The following CCDC141 variants were observed in gnomAD, a reference collection of about 807,000 sequenced individuals.
CCDC141 encodes the protein coiled-coil domain-containing protein 141.
In CCDC141, 168 loss-of-function variants were observed where a neutral mutation model predicts 181.0. The ratio of observed to expected loss-of-function variants is 0.93; its 90% CI spans 0.82 to 1.05. CCDC141 has a LOEUF of 1.05. Ranked by LOEUF, CCDC141 falls within the 50% of genes least tolerant of loss-of-function variation. The pLI, the probability that CCDC141 is intolerant of heterozygous loss-of-function variation, is 0.00. For missense variants in CCDC141, 1,902 were observed against 1,788.5 expected (o/e 1.06, Z -1.14); for synonymous variants, 666 against 642.3 (o/e 1.04, Z -0.56).
intron 6 of CCDC141, among the ~76,000 whole-genome samples, chr2:178,929,961 G>A (rs1473797076): frequency 6.6e-6 from 1 of 152,094 alleles, no homozygotes; most frequent in Non-Finnish European, 1.5e-5. Flanking sequence ...ATACACTGAA[G>A]TAGCAGCTTT....
intron 5 of CCDC141, among the ~76,000 whole-genome samples, chr2:178,953,253 G>C (rs931076734): frequency 3.9e-5 from 6 of 152,116 alleles, no homozygotes; most frequent in Non-Finnish European, 7.4e-5. Context: ...TGGCTAACAT[G>C]GTGAAACTGC....
chr2:178,961,293 C>T lies in CCDC141; in HGVS notation c.717G>A (p.Lys239=). The T allele has an allele frequency of 6.4e-7, 1 of 1,550,494 alleles. No homozygotes were observed. Among genetic ancestry groups the T allele is most frequent in the Non-Finnish European group, 8.7e-7 (1 of 1,146,916 alleles). Residue 239 remains lysine (K), a synonymous_variant, in exon 5 of 24, where the codon AAG becomes AAA. Coordinates refer to ENST00000443758, the MANE Select transcript of CCDC141 (RefSeq NM_173648.4). ...CTTGACTCAATTCTTGCCACTGTTGCTTCAAGTACTTGTCTAGTTGTCTTC... is the reference window on the plus strand; with the variant it reads ...CTTGACTCAATTCTTGCCACTGTTGTTTCAAGTACTTGTCTAGTTGTCTTC... The part of the protein sequence containing the change: ...DRRRQLDKYL[K]QQWQELSQVL...
At chr2:178,870,231 C>CAAAAAAAAAAAAAAAAAAAAAAAAAAA (rs34625707) in intron 14 of CCDC141, among the ~76,000 whole-genome samples, 23 of 60,286 alleles carry the variant, frequency 3.8e-4, no homozygotes, top group Admixed American at 7.9e-4. Context: ...GACTCTGTCT[C>CAAAAAAAAAAAAAAAAAAAAAAAAAAA]AAAAAAAAAA....
intron 5 of CCDC141, among the ~76,000 whole-genome samples, chr2:178,955,154 G>A (rs1037046731): frequency 5.3e-5 from 8 of 152,066 alleles, no homozygotes; most frequent in Admixed American, 1.3e-4. Flanking sequence ...GCATGGTGGC[G>A]TGCATCTGTA....
chr2:178,834,576 C>A, intron 23 of CCDC141, 136 bp from the exon 24 acceptor site: 3 of 953,504 alleles, frequency 3.1e-6, no homozygotes, highest in Middle Eastern at 2.3e-4. Flanking sequence ...GTAGCCACAA[C>A]AAATTCCAGT....
rs13422491 is a variant in CCDC141 at position 178,877,829 on chromosome 2, C to T, written c.1899+135G>A. 5.9e-3 allele frequency: 4,911 copies of T among 828,892 alleles called. 163 individuals carry two copies. In the African/African-American group the frequency reaches 0.072, roughly 12 times the overall value. 51.3% of individuals were successfully genotyped at this position (828,892 alleles called of 1,614,324 possible). On this transcript the variant is annotated intron_variant, in intron 12 of 23. Transcript: ENST00000443758. Reference sequence around the variant, plus strand: ...TTAAATGTTGGGCTTCAGGACTGGTCTAGGTTGAATGAAGCTAAAGAGAAC... The same window carrying T: ...TTAAATGTTGGGCTTCAGGACTGGTTTAGGTTGAATGAAGCTAAAGAGAAC...
chr2:179,049,259 A>G (rs2043598611), intron 1 of CCDC141, among the ~76,000 whole-genome samples: 2 of 152,188 alleles, frequency 1.3e-5, no homozygotes, highest in African/African-American at 4.8e-5. Flanking sequence ...AAGCTTTTGT[A>G]CCTTTCCTTG....
intron 2 of CCDC141, among the ~76,000 whole-genome samples, chr2:179,026,534 G>A (rs1305620522): frequency 2.6e-5 from 4 of 152,220 alleles, no homozygotes; most frequent in Non-Finnish European, 5.9e-5. Flanking sequence ...TGCAGGGGTA[G>A]GGCTCTCATA....
At chr2:178,884,223 C>T (rs1679581163) in intron 11 of CCDC141, among the ~76,000 whole-genome samples, 1 of 145,706 alleles carries the variant, frequency 6.9e-6, no homozygotes. Flanking sequence ...TTGTATGGTG[C>T]CTTGAATAAT....
Position 178,855,429 on chromosome 2 carries a change from T to A in CCDC141, c.2978A>T (p.His993Leu). The A allele has an allele frequency of 6.2e-7, 1 of 1,612,104 alleles. No individual in the cohort carries two copies. The highest frequency in any genetic ancestry group is 1.3e-5 in the African/African-American group (1 of 74,962). ...LLEVMKDLQKHVDDFDKVVTD... is the reference protein window; with the variant it reads ...LLEVMKDLQKLVDDFDKVVTD... Reference sequence around the variant, plus strand: ...CACAACTTTGTCAAAGTCATCCACATGTTTTTGCAAATCCTTCATGACTTC... The same window carrying A: ...CACAACTTTGTCAAAGTCATCCACAAGTTTTTGCAAATCCTTCATGACTTC... Residue 993 changes from histidine to leucine, a missense_variant, in exon 19 of 24, where the codon CAT (histidine) becomes CTT (leucine). Transcript: ENST00000443758.
At chr2:178,991,676 G>T (rs1217443522) in intron 2 of CCDC141, among the ~76,000 whole-genome samples, 6 of 152,050 alleles carry the variant, frequency 3.9e-5, no homozygotes, top group Non-Finnish European at 8.8e-5. Context: ...TAAAAGTAAA[G>T]ATTTTTAATG....
At chr2:178,869,686 G>T (rs906260802) in intron 14 of CCDC141, among the ~76,000 whole-genome samples, 2 of 152,168 alleles carry the variant, frequency 1.3e-5, no homozygotes, top group Non-Finnish European at 2.9e-5. Context: ...AGGTGGTATG[G>T]TAAAAACACC....
chr2:178,869,245 C>T lies in CCDC141; in HGVS notation c.2266G>A (p.Ala756Thr). 8 of 1,613,522 alleles carry T rather than the reference C, an allele frequency of 5.0e-6. No homozygotes were observed. Among genetic ancestry groups the T allele is most frequent in the Non-Finnish European group, 6.8e-6 (8 of 1,179,714 alleles). Reference protein sequence around the residue: ...KESEELTGRGAPVKEKSQQLK... With the variant: ...KESEELTGRGTPVKEKSQQLK... ...TGTTGAGACTTTTCTTTTACAGGGG[C>T]TCCTCTGCCAGTTAACTCCTCTGAT... The change falls in exon 15 of 24, where the codon GCC (alanine) becomes ACC (threonine). Residue 756 changes from alanine (A) to threonine (T), a missense_variant. Transcript: ENST00000443758.
At chr2:179,002,469 A>G in intron 2 of CCDC141, 1 of 410,614 alleles carries the variant, frequency 2.4e-6, no homozygotes, top group South Asian at 1.8e-5. Context: ...AAGAGCTAGC[A>G]GAATCCACAA....
intron 2 of CCDC141, among the ~76,000 whole-genome samples, chr2:178,995,882 A>C (rs995579508): frequency 4.6e-5 from 7 of 152,142 alleles, no homozygotes; most frequent in Non-Finnish European, 1.0e-4. Context: ...AGGGCTGGTT[A>C]ATTTTGTATT....
intron 20 of CCDC141, among the ~76,000 whole-genome samples, chr2:178,850,942 G>A (rs946942342): frequency 6.6e-6 from 1 of 152,020 alleles, no homozygotes; most frequent in African/African-American, 2.4e-5. Context: ...ATAGTGTCTC[G>A]CGCCTGTAAT....
chr2:178,851,233 T>G (rs1685154488), intron 20 of CCDC141, among the ~76,000 whole-genome samples: 1 of 150,936 alleles, frequency 6.6e-6, no homozygotes, highest in Admixed American at 6.6e-5. Context: ...AAGGACTTCT[T>G]TAGGTGACCC....
chr2:178,880,456 G>A (rs763349054), intron 11 of CCDC141, among the ~76,000 whole-genome samples: 1 of 152,094 alleles, frequency 6.6e-6, no homozygotes, highest in Non-Finnish European at 1.5e-5. Flanking sequence ...AGAAGATGAC[G>A]TCATTAAGCT....
intron 1 of CCDC141, 56 bp from the exon 2 acceptor site, chr2:179,047,462 C>T (rs1390161655): frequency 2.2e-6 from 3 of 1,352,314 alleles, no homozygotes; most frequent in Admixed American, 3.4e-5. Flanking sequence ...CCTTCCTCTT[C>T]ACCCTTCTCA....
Sources: allele counts gnomAD v4.1 joint callset (sites outside exome capture counted in the v4.1 genomes callset), GRCh38; gene constraint gnomAD v4.1.1; transcripts MANE v1.5; gene names NCBI Gene and HGNC (gene_info 2026-07-23, HGNC 2026-07-21).